Variants in CCDC171 observed in about 807,000 individuals in gnomAD.
CCDC171 encodes coiled-coil domain containing 171.
Under a neutral mutation model 168.2 loss-of-function variants are expected in CCDC171, and 177 were observed. The observed-to-expected ratio is 1.05, with a 90% CI of 0.93 to 1.19. The LOEUF (loss-of-function observed/expected upper bound fraction) is 1.19, where lower values mean the gene tolerates loss of function less well. Ranked by LOEUF, CCDC171 falls within the 50% of genes most tolerant of loss-of-function variation. The pLI is 0.00. For synonymous variants in CCDC171, 687 were observed against 540.8 expected (o/e 1.27, Z -3.75); for missense variants, 1,991 against 1,539.0 (o/e 1.29, Z -4.91).
chr9:15,923,163 G>T (rs1825537508), intron 25 of CCDC171, among the ~76,000 whole-genome samples: 1 of 151,266 alleles, frequency 6.6e-6, no homozygotes, highest in South Asian at 2.1e-4. Context: ...GTTACCCCAT[G>T]CTTTCTTCTA....
intron 4 of CCDC171, among the ~76,000 whole-genome samples, chr9:15,582,155 CA>C (rs1207253194): frequency 6.6e-6 from 1 of 152,168 alleles, no homozygotes; most frequent in African/African-American, 2.4e-5. Context: ...GACATTTATG[CA>C]ACCAACAAAC....
chr9:15,754,206 A>G (rs1269713288), intron 18 of CCDC171, among the ~76,000 whole-genome samples: 1 of 152,192 alleles, frequency 6.6e-6, no homozygotes. Context: ...TAACCTAAAC[A>G]GGTAAACATT....
chr9:15,553,699 A>C (rs1007071077), intron 1 of CCDC171: 1 of 152,190 alleles, frequency 6.6e-6, no homozygotes, highest in African/African-American at 2.4e-5. Context: ...GATGTTTGAT[A>C]AACGGGAATG....
intron 4 of CCDC171, among the ~76,000 whole-genome samples, chr9:15,585,089 A>G (rs753749475): frequency 8.5e-5 from 13 of 152,242 alleles, no homozygotes; most frequent in Non-Finnish European, 1.9e-4. Flanking sequence ...AAGATTGTCA[A>G]TACCAAATAT....
chr9:15,968,938 C>T (rs1831079904), intron 25 of CCDC171, among the ~76,000 whole-genome samples: 1 of 152,104 alleles, frequency 6.6e-6, no homozygotes, highest in African/African-American at 2.4e-5. Flanking sequence ...ATCCCAGTAG[C>T]AAAAGCAGTC....
chr9:16,054,703 G>A (rs903689623), intron 1 of CCDC171, among the ~76,000 whole-genome samples: 2 of 152,250 alleles, frequency 1.3e-5, no homozygotes, highest in Admixed American at 1.3e-4. Context: ...CCAGGGAGCT[G>A]TTTGATGGAG....
chr9:15,591,425 C>G lies in CCDC171; in HGVS notation c.412C>G (p.Gln138Glu). Residue 138 changes from glutamine (Q) to glutamate (E), a missense_variant, in exon 5 of 26, where the codon CAG becomes GAG. Physicochemically the swap from Gln to Glu is conservative, Grantham distance 29. Transcript: ENST00000380701. ...GACTGAGAAAGCATTTCAGACTTCT[C>G]AGCAAAAATGGAAAGAAGAATGCAG... is the stretch of plus-strand genomic sequence containing the variant. ...NETEKAFQTSQQKWKEECRRF... is the reference protein window; with the variant it reads ...NETEKAFQTSEQKWKEECRRF... 1 of 1,608,586 alleles carries G rather than the reference C, an allele frequency of 6.2e-7. No homozygotes were observed. The highest frequency in any genetic ancestry group is 8.5e-7 in the Non-Finnish European group (1 of 1,178,098).
Position 15,973,825 on chromosome 9 carries a change from C to A in CCDC171, c.*1989C>A, listed in dbSNP as rs1248314421. ...GTGATATCACTGAGCTTACAATTCT[C>A]ACTAGAGAAGAACAAGGTTACTATA... On this transcript the variant is annotated 3_prime_UTR_variant, in exon 26 of 26. Coordinates refer to ENST00000380701, the MANE Select transcript of CCDC171 (RefSeq NM_173550.4). The A allele has an allele frequency of 6.6e-6, 1 of 152,062 alleles. No individual in the cohort carries two copies. Among genetic ancestry groups the A allele is most frequent in the East Asian group, 1.9e-4 (1 of 5,176 alleles). The allele number at this position is 152,062 out of a possible 1,614,324, so 9.4% of individuals were successfully genotyped here.
rs1388768966 is a variant in CCDC171, at chr9:15,981,038, A to G, written n.369-39551A>G. 2.0e-5 allele frequency among the ~76,000 whole-genome samples: 3 copies of G among 152,072 alleles called. No homozygotes were observed. The South Asian group carries it at 6.2e-4, about 32-fold the overall frequency. On this transcript the variant is annotated intron_variant and non_coding_transcript_variant, in intron 3 of 9. Coordinates refer to the CCDC171 transcript ENST00000486641. The stretch of plus-strand genomic sequence containing the variant: ...AGAGCTTATGCAGGAAAACCCCCAT[A>G]TAATAACCATCAGATATTGTGAGAC...
chr9:16,004,944 A>G (rs141681193), intron 3 of CCDC171, among the ~76,000 whole-genome samples: 474 of 152,308 alleles, frequency 3.1e-3, no homozygotes, highest in Non-Finnish European at 5.8e-3. Flanking sequence ...AAACTAGGTT[A>G]CTATATATAT....
rs560549875 is a variant in CCDC171, at chr9:15,587,637, C to T, written c.353-3729C>T. 1.8e-3 allele frequency: 844 copies of T among 456,676 alleles called. 8 individuals carry two copies. Among genetic ancestry groups the T allele is most frequent in the South Asian group, 6.3e-3 (404 of 64,568 alleles). 28.3% of individuals were successfully genotyped at this position (456,676 alleles called of 1,614,324 possible). ...TCCCAATAAATGAGCCATCCAGATC[C>T]TTCTCCAGCGAAGACTAAAGTTGTT... On this transcript the variant is annotated intron_variant, in intron 4 of 25. Coordinates refer to ENST00000380701, the MANE Select transcript of CCDC171 (RefSeq NM_173550.4).
chr9:15,622,483 A>G (rs904278724), intron 6 of CCDC171, among the ~76,000 whole-genome samples: 4 of 152,192 alleles, frequency 2.6e-5, no homozygotes, highest in Non-Finnish European at 5.9e-5. Flanking sequence ...GGAAGCATAT[A>G]TAAATATTCA....
At chr9:15,831,105 G>GA (rs2060212385) in intron 21 of CCDC171, among the ~76,000 whole-genome samples, 1 of 151,672 alleles carries the variant, frequency 6.6e-6, no homozygotes, top group South Asian at 2.1e-4. Context: ...GAATAGCTGG[G>GA]ACTACAGGTG....
chr9:15,996,258 C>T (rs1832367981), intron 3 of CCDC171, among the ~76,000 whole-genome samples: 2 of 152,080 alleles, frequency 1.3e-5, no homozygotes, highest in South Asian at 4.1e-4. Flanking sequence ...GAGTAATGCA[C>T]ATAGGTCTTG....
At chr9:15,975,500 A>G (rs1292240065), downstream of CCDC171, among the ~76,000 whole-genome samples, 1 of 152,204 alleles carries the variant, frequency 6.6e-6, no homozygotes, top group Non-Finnish European at 1.5e-5. Context: ...AGCACTATTT[A>G]TGTAAACAGT....
chr9:16,081,188 C>G, the CCDC171 span, among the ~76,000 whole-genome samples: 3 of 152,204 alleles, frequency 2.0e-5, no homozygotes, highest in Admixed American at 1.3e-4. Context: ...CAGTTGCTTT[C>G]TAGCATCAAT....
chr9:15,644,634 C>T (rs1281210577), intron 7 of CCDC171, among the ~76,000 whole-genome samples: 1 of 152,220 alleles, frequency 6.6e-6, no homozygotes, highest in Non-Finnish European at 1.5e-5. Flanking sequence ...CCCACGGAGC[C>T]TCGCTTATTG....
chr9:15,985,051 T>C (rs979520451), intron 3 of CCDC171, among the ~76,000 whole-genome samples: 1 of 152,174 alleles, frequency 6.6e-6, no homozygotes, highest in Non-Finnish European at 1.5e-5. Flanking sequence ...TGAATAATTT[T>C]TATTTTCTTC....
chr9:16,067,406 G>A, the CCDC171 span, among the ~76,000 whole-genome samples: 1 of 152,112 alleles, frequency 6.6e-6, no homozygotes, highest in African/African-American at 2.4e-5. Context: ...CTCCCATTTT[G>A]TAGGTTTCCT....
Sources: gnomAD v4.1 joint callset for allele counts (sites outside exome capture counted in the v4.1 genomes callset) on GRCh38, gnomAD v4.1.1 for gene constraint, MANE v1.5 for transcripts, NCBI Gene and HGNC (gene_info 2026-07-23, HGNC 2026-07-21) for gene names.